HPSE2: variants seen among roughly 807,000 people sequenced by gnomAD.
HPSE2 encodes inactive heparanase-2.
In HPSE2, 38 loss-of-function variants were observed where a neutral mutation model predicts 60.5. The observed-to-expected ratio is 0.63, with a 90% CI of 0.48 to 0.82. The LOEUF (loss-of-function observed/expected upper bound fraction) is 0.82. HPSE2 is among the 40% of genes least tolerant of loss of function. The pLI is 0.00. For missense variants in HPSE2, 713 were observed against 740.4 expected (o/e 0.96, Z 0.43); for synonymous variants, 295 against 293.2 (o/e 1.01, Z -0.06).
At chr10:99,266,822 C>T in the HPSE2 span, among the ~76,000 whole-genome samples, 2 of 152,154 alleles carry the variant, frequency 1.3e-5, no homozygotes, top group African/African-American at 2.4e-5. Context: ...TCACATCACA[C>T]GACTCTGTGC....
At chr10:99,225,165 G>A (rs1268425649) in intron 2 of HPSE2, among the ~76,000 whole-genome samples, 2 of 152,086 alleles carry the variant, frequency 1.3e-5, no homozygotes, top group African/African-American at 4.8e-5. Context: ...AATTTCAGGT[G>A]ATTACTGACA....
Position 98,942,279 on chromosome 10 carries a change from T to C in HPSE2, c.611-198223A>G, listed in dbSNP as rs185172751. Among the ~76,000 whole-genome samples the C allele has an allele frequency of 2.1e-3, 300 of 140,176 alleles. 46 individuals carry two copies. Among genetic ancestry groups the C allele is most frequent in the African/African-American group, 7.6e-3 (255 of 33,578 alleles). 92.0% of individuals were successfully genotyped at this position (140,176 alleles called of 152,430 possible). Reference sequence around the variant, plus strand: ...TCTGCACAGCAAAAGAAACTACCATTAGAGTGAACAGGAAACCTATAAAAT... The same window carrying C: ...TCTGCACAGCAAAAGAAACTACCATCAGAGTGAACAGGAAACCTATAAAAT... On this transcript the variant is annotated intron_variant, in intron 3 of 11. Coordinates refer to ENST00000370552, the MANE Select transcript of HPSE2 (RefSeq NM_021828.5).
At chr10:98,895,233 AT>A (rs1478932349) in intron 3 of HPSE2, among the ~76,000 whole-genome samples, 1 of 152,150 alleles carries the variant, frequency 6.6e-6, no homozygotes, top group African/African-American at 2.4e-5. Flanking sequence ...CATACATATG[AT>A]TTTTTCAGGT....
intron 3 of HPSE2, among the ~76,000 whole-genome samples, chr10:98,745,728 A>G (rs1376590433): frequency 7.9e-5 from 12 of 152,180 alleles, no homozygotes; most frequent in Non-Finnish European, 1.6e-4. Context: ...GGTAGTACAC[A>G]GTTTTAAAAA....
At chr10:99,163,025 C>A (rs543224710) in intron 2 of HPSE2, among the ~76,000 whole-genome samples, 2 of 152,004 alleles carry the variant, frequency 1.3e-5, no homozygotes, top group African/African-American at 2.4e-5. Context: ...CTGGCTAACA[C>A]GGTGAAACTC....
intron 3 of HPSE2, among the ~76,000 whole-genome samples, chr10:98,932,013 G>T (rs1954654791): frequency 7.0e-6 from 1 of 143,762 alleles, no homozygotes; most frequent in South Asian, 2.1e-4. Context: ...TGGTTGAAAA[G>T]GAGTGGTGAG....
At chr10:98,552,604 A>G (rs950126873) in intron 9 of HPSE2, among the ~76,000 whole-genome samples, 4 of 152,144 alleles carry the variant, frequency 2.6e-5, no homozygotes, top group South Asian at 2.1e-4. Context: ...TCTTATTTCA[A>G]CCTATCAAAA....
At chr10:98,849,874 A>G (rs1952126723) in intron 3 of HPSE2, among the ~76,000 whole-genome samples, 1 of 151,952 alleles carries the variant, frequency 6.6e-6, no homozygotes, top group Admixed American at 6.5e-5. Flanking sequence ...CCTCCCGAGT[A>G]GCTGGGATTA....
chr10:98,534,210 GA>G (rs777837016), intron 9 of HPSE2, among the ~76,000 whole-genome samples: 17 of 152,166 alleles, frequency 1.1e-4, no homozygotes, highest in South Asian at 2.1e-4. Flanking sequence ...AGGACAATTT[GA>G]TTCTTAAAGT....
chr10:98,798,698 C>T (rs1243948379), intron 3 of HPSE2, among the ~76,000 whole-genome samples: 1 of 151,958 alleles, frequency 6.6e-6, no homozygotes. Flanking sequence ...ATTTGCAAGC[C>T]TCATTGTAAC....
chr10:98,854,939 G>A (rs1039730354), intron 3 of HPSE2, among the ~76,000 whole-genome samples: 2 of 152,112 alleles, frequency 1.3e-5, no homozygotes. Flanking sequence ...CTGGAGTTTT[G>A]ACCTTTACTT....
chr10:98,753,137 A>C (rs915064950), intron 3 of HPSE2, among the ~76,000 whole-genome samples: 1 of 152,206 alleles, frequency 6.6e-6, no homozygotes, highest in African/African-American at 2.4e-5. Flanking sequence ...ATTGTGGAAC[A>C]AGGCAACTAT....
At chr10:99,296,081 A>G in the HPSE2 span, among the ~76,000 whole-genome samples, 1 of 152,120 alleles carries the variant, frequency 6.6e-6, no homozygotes, top group Non-Finnish European at 1.5e-5. Flanking sequence ...TATTTGGGGG[A>G]ACTTCAATAG....
chr10:99,111,532 G>A (rs1564815959), intron 3 of HPSE2, among the ~76,000 whole-genome samples: 1 of 152,140 alleles, frequency 6.6e-6, no homozygotes, highest in Non-Finnish European at 1.5e-5. Context: ...GAACAAGAAG[G>A]AAGAAAGACT....
the HPSE2 span, among the ~76,000 whole-genome samples, chr10:99,289,564 C>T: frequency 6.6e-6 from 1 of 151,948 alleles, no homozygotes; most frequent in East Asian, 1.9e-4. Context: ...AGTATTTTAA[C>T]ATAGGGGGAA....
chr10:99,151,035 T>C (rs1162360052), intron 2 of HPSE2, among the ~76,000 whole-genome samples: 1 of 151,874 alleles, frequency 6.6e-6, no homozygotes, highest in Non-Finnish European at 1.5e-5. Context: ...TTTTTAAAAC[T>C]ATAAAGAAAT....
chr10:98,478,200 G>T (rs1941098724), intron 11 of HPSE2, among the ~76,000 whole-genome samples: 1 of 152,152 alleles, frequency 6.6e-6, no homozygotes, highest in South Asian at 2.1e-4. Context: ...TGTGAATGGG[G>T]CCATCTTCTT....
At chr10:98,892,107 G>A (rs1341127392) in intron 3 of HPSE2, among the ~76,000 whole-genome samples, 1 of 152,056 alleles carries the variant, frequency 6.6e-6, no homozygotes, top group Non-Finnish European at 1.5e-5. Flanking sequence ...GGGACATTAT[G>A]TATACTTTGA....
rs1035371322 is a variant in HPSE2 at position 99,235,718 on chromosome 10, A to C, written c.85T>G (p.Leu29Val). 43 of 1,613,914 alleles carry C rather than the reference A, an allele frequency of 2.7e-5. No individual in the cohort carries two copies. The highest frequency in any genetic ancestry group is 3.2e-5 in the Non-Finnish European group (38 of 1,180,010). The change falls in exon 1 of 12, where the codon TTG becomes GTG. Residue 29 changes from leucine (L) to valine (V), a missense_variant. Leu to Val is a conservative substitution (Grantham distance 32, BLOSUM62 1). Coordinates refer to ENST00000370552, the MANE Select transcript of HPSE2 (RefSeq NM_021828.5). ...PACLAPGALY[L>V]ALLLHLSLSS... Reference sequence around the variant, plus strand: ...AGGGAGAGATGGAGCAACAGAGCCAAGTAGAGAGCCCCCGGGGCTAGGCAC... The same window carrying C: ...AGGGAGAGATGGAGCAACAGAGCCACGTAGAGAGCCCCCGGGGCTAGGCAC...
Sources: allele counts gnomAD v4.1 joint callset (sites outside exome capture counted in the v4.1 genomes callset), GRCh38; gene constraint gnomAD v4.1.1; transcripts MANE v1.5; gene names NCBI Gene and HGNC (gene_info 2026-07-23, HGNC 2026-07-21).